FKBP9: variants seen among roughly 807,000 people sequenced by gnomAD.
FKBP9 encodes the protein FKBP prolyl isomerase 9, also known as peptidyl-prolyl cis-trans isomerase FKBP9.
Under a neutral mutation model 55.6 loss-of-function variants are expected in FKBP9, and 27 were observed. The observed-to-expected ratio is 0.49, with a 90% CI of 0.36 to 0.67. FKBP9 has a LOEUF of 0.67. Ranked by LOEUF, FKBP9 falls within the 30% of genes least tolerant of loss-of-function variation. The pLI, the probability that FKBP9 is intolerant of heterozygous loss-of-function variation, is 0.00. For synonymous variants in FKBP9, 267 were observed against 296.5 expected (o/e 0.90, Z 1.02); for missense variants, 539 against 742.8 (o/e 0.73, Z 3.19).
intron 4 of FKBP9, 82 bp downstream of exon 4, chr7:32,976,581 A>G: frequency 6.6e-7 from 1 of 1,514,428 alleles, no homozygotes; most frequent in Non-Finnish European, 8.8e-7. Flanking sequence ...ACCACATGAA[A>G]CCCACTAGAC....
intron 8 of FKBP9, among the ~76,000 whole-genome samples, chr7:33,000,487 G>C (rs1447389967): frequency 6.6e-6 from 1 of 151,982 alleles, no homozygotes; most frequent in Non-Finnish European, 1.5e-5. Context: ...GAACCAGTTT[G>C]AGTGAAATAA....
At chr7:32,969,903 C>T (rs1206486659) in intron 1 of FKBP9, among the ~76,000 whole-genome samples, 3 of 151,592 alleles carry the variant, frequency 2.0e-5, no homozygotes, top group African/African-American at 4.8e-5. Context: ...CTCAGGAGGC[C>T]GAGGCAGAAT....
chr7:32,988,622 C>T lies in FKBP9; in HGVS notation c.1009C>T (p.Pro337Ser), dbSNP rs1477411020. ...AGAAAAGCGAAGGATTGTGGTCCCG[C>T]CTCACCTGGGGTATGGAGAGGAAGG... ...IGEKRRIVVPPHLGYGEEGRG... is the reference protein window; with the variant it reads ...IGEKRRIVVPSHLGYGEEGRG... Residue 337 changes from proline to serine, a missense_variant, in exon 6 of 10, where the codon CCT becomes TCT. Physicochemically the swap from Pro to Ser is moderately conservative, Grantham distance 74. Coordinates refer to ENST00000242209, the MANE Select transcript of FKBP9 (RefSeq NM_007270.5). The T allele has an allele frequency of 6.2e-7, 1 of 1,613,992 alleles. No individual in the cohort carries two copies. The highest frequency in any genetic ancestry group is 1.1e-5 in the South Asian group (1 of 91,068).
At chr7:32,965,812 A>AAAAAAATAT (rs1554284289) in intron 1 of FKBP9, among the ~76,000 whole-genome samples, 6 of 34,934 alleles carry the variant, frequency 1.7e-4, no homozygotes, top group African/African-American at 6.1e-4. Context: ...AAAAAAAAAA[A>AAAAAAATAT]ATATATATAT....
In FKBP9 at chr7:32,996,413, C is replaced by A. The variant is rs1332213604; in HGVS notation, c.1226+64C>A. ...GGTGACAGTTGCATGCTCCCACCAT[C>A]CTCCTCTCTTGGGTAGATGCTGGTT... On this transcript the variant is annotated intron_variant, in intron 7 of 9. Transcript: ENST00000242209. The A allele has an allele frequency of 7.3e-6, 8 of 1,096,816 alleles. No homozygotes were observed. The African/African-American group carries it at 1.1e-4, about 15-fold the overall frequency. 67.9% of individuals were successfully genotyped at this position (1,096,816 alleles called of 1,614,324 possible).
At chr7:32,981,247 A>C (rs1205087300) in intron 5 of FKBP9, among the ~76,000 whole-genome samples, 4 of 152,234 alleles carry the variant, frequency 2.6e-5, no homozygotes, top group Middle Eastern at 3.4e-3. Context: ...AACTTTGTCA[A>C]GTAGGTGGTT....
At chr7:32,958,280 C>A (rs1432815814) in intron 1 of FKBP9, among the ~76,000 whole-genome samples, 1 of 152,218 alleles carries the variant, frequency 6.6e-6, no homozygotes, top group Non-Finnish European at 1.5e-5. Context: ...GAGCTGTTAA[C>A]AATGTGTAGG....
intron 1 of FKBP9, among the ~76,000 whole-genome samples, chr7:32,961,053 A>G (rs765455601): frequency 8.5e-5 from 13 of 152,358 alleles, no homozygotes; most frequent in East Asian, 3.9e-4. Context: ...GTTCATGGCC[A>G]TAATCTATGG....
chr7:32,965,658 C>T (rs1784117531), intron 1 of FKBP9, among the ~76,000 whole-genome samples: 1 of 149,426 alleles, frequency 6.7e-6, no homozygotes, highest in African/African-American at 2.5e-5. Flanking sequence ...ATTAGCTGGG[C>T]GTGGTGGCGT....
chr7:32,995,061 C>T (rs1447057660), intron 6 of FKBP9: 3 of 151,984 alleles, frequency 2.0e-5, no homozygotes, highest in African/African-American at 7.3e-5. Flanking sequence ...GCCTTGACCT[C>T]CTGGCCTCAA....
intron 5 of FKBP9, among the ~76,000 whole-genome samples, chr7:32,988,258 T>G (rs1453397654): frequency 6.6e-6 from 1 of 152,206 alleles, no homozygotes; most frequent in Non-Finnish European, 1.5e-5. Context: ...CACACTGCAT[T>G]CATAACCTGA....
chr7:32,982,865 A>C (rs1284986845), intron 5 of FKBP9, among the ~76,000 whole-genome samples: 1 of 152,180 alleles, frequency 6.6e-6, no homozygotes, highest in African/African-American at 2.4e-5. Flanking sequence ...TTTGTCCTGT[A>C]TGTTTCCTGT....
At chr7:32,980,802 G>A (rs1583855382) in intron 5 of FKBP9, among the ~76,000 whole-genome samples, 1 of 151,662 alleles carries the variant, frequency 6.6e-6, no homozygotes, top group African/African-American at 2.4e-5. Context: ...CTGCATGATC[G>A]TGGCTTTCTG....
intron 1 of FKBP9, among the ~76,000 whole-genome samples, chr7:32,969,284 G>C (rs1486933790): frequency 6.6e-6 from 1 of 151,968 alleles, no homozygotes; most frequent in African/African-American, 2.4e-5. Context: ...TGTTACCTGT[G>C]CTTTTGGTGT....
chr7:32,966,873 C>T (rs1298256163), intron 1 of FKBP9, among the ~76,000 whole-genome samples: 1 of 152,188 alleles, frequency 6.6e-6, no homozygotes, highest in African/African-American at 2.4e-5. Flanking sequence ...TCATTCATCA[C>T]CGAGGGGATG....
intron 1 of FKBP9, among the ~76,000 whole-genome samples, chr7:32,973,697 T>TG (rs1437666594): frequency 1.9e-4 from 25 of 129,870 alleles, no homozygotes; most frequent in African/African-American, 4.7e-4. Context: ...TTTTTTTTTT[T>TG]TTTTTTTTTT....
intron 5 of FKBP9, among the ~76,000 whole-genome samples, chr7:32,986,484 C>T (rs1490773791): frequency 6.6e-6 from 1 of 152,212 alleles, no homozygotes; most frequent in East Asian, 1.9e-4. Context: ...GGAGCCGACA[C>T]GGTCCTCCTC....
Position 32,967,686 on chromosome 7 carries a change from G to A in FKBP9, c.222-6931G>A, listed in dbSNP as rs558376256. On this transcript the variant is annotated intron_variant, in intron 1 of 9. Transcript: ENST00000242209. ...TGGCTATTGTAAATCGTGCTGAGTT[G>A]AACATGTGTGTGCAAATATCTGAGT... Among the ~76,000 whole-genome samples the A allele has an allele frequency of 2.6e-4, 40 of 152,258 alleles. 1 individual carries two copies. The South Asian group carries it at 8.3e-3, about 32-fold the overall frequency.
intron 5 of FKBP9, among the ~76,000 whole-genome samples, chr7:32,986,840 C>T (rs1165032848): frequency 6.6e-6 from 1 of 152,214 alleles, no homozygotes; most frequent in East Asian, 1.9e-4. Flanking sequence ...TCTTTCAGGA[C>T]AGGCTTTCTG....
Sources: allele counts gnomAD v4.1 joint callset (sites outside exome capture counted in the v4.1 genomes callset), GRCh38; gene constraint gnomAD v4.1.1; transcripts MANE v1.5; gene names NCBI Gene and HGNC (gene_info 2026-07-23, HGNC 2026-07-21).